The following APBB2 variants were observed in gnomAD, a reference collection of about 807,000 sequenced individuals.
APBB2 encodes the protein amyloid beta precursor protein binding family B member 2, also known as Fe65-like 1.
In APBB2, 38 loss-of-function variants were observed where a neutral mutation model predicts 82.5. The observed-to-expected ratio is 0.46, with a 90% CI of 0.36 to 0.60. The LOEUF is 0.60. APBB2 is among the 20% of genes least tolerant of loss of function. The pLI is 0.00. For missense variants in APBB2, 772 were observed against 972.3 expected, an observed-to-expected ratio of 0.79 and a Z score of 2.74; for synonymous variants, 341 against 368.2, an observed-to-expected ratio of 0.93 and a Z score of 0.85.
chr4:40,999,022 C>T (rs978432162), intron 6 of APBB2, among the ~76,000 whole-genome samples: 14 of 152,162 alleles, frequency 9.2e-5, no homozygotes, highest in African/African-American at 3.4e-4. Flanking sequence ...TTTCCAACCT[C>T]GGTGTATTGC....
intron 6 of APBB2, among the ~76,000 whole-genome samples, chr4:40,954,447 A>G (rs73152309): frequency 0.085 from 12,907 of 152,112 alleles, 591 homozygotes; most frequent in Middle Eastern, 0.14. Flanking sequence ...TGTGCCAGAC[A>G]CTGGTTTAAA....
At chr4:40,946,695 CTT>C (rs1213296822) in intron 6 of APBB2, among the ~76,000 whole-genome samples, 3 of 151,810 alleles carry the variant, frequency 2.0e-5, no homozygotes, top group Admixed American at 2.0e-4. Flanking sequence ...GGAAGAAAAA[CTT>C]TAAAAACTTG....
intron 6 of APBB2, among the ~76,000 whole-genome samples, chr4:41,000,930 G>A (rs1023646778): frequency 1.3e-5 from 2 of 152,144 alleles, no homozygotes; most frequent in Non-Finnish European, 2.9e-5. Context: ...TGAAATCCTG[G>A]AAGAGGCTGA....
intron 6 of APBB2, among the ~76,000 whole-genome samples, chr4:40,976,482 A>C (rs915512984): frequency 6.6e-6 from 1 of 152,184 alleles, no homozygotes; most frequent in East Asian, 1.9e-4. Flanking sequence ...AGGTATTCTA[A>C]ATCTTTTAGT....
In APBB2 at chr4:41,029,135, T is replaced by A. The variant is rs186853479; in HGVS notation, c.19+4101A>T. ...AAACTTCACATTTGCTTCATTTTTATTTTTCTGCTATACAATTTCATTTCC... is the reference window on the plus strand; with the variant it reads ...AAACTTCACATTTGCTTCATTTTTAATTTTCTGCTATACAATTTCATTTCC... On this transcript the variant is annotated intron_variant, in intron 5 of 17. Transcript: ENST00000508593. 2.7e-3 allele frequency among the ~76,000 whole-genome samples: 407 copies of A among 152,336 alleles called. 2 individuals carry two copies. Among genetic ancestry groups the A allele is most frequent in the Admixed American group, 5.2e-3 (79 of 15,296 alleles).
At chr4:41,099,213 C>T (rs940674547) in intron 3 of APBB2, among the ~76,000 whole-genome samples, 1 of 152,098 alleles carries the variant, frequency 6.6e-6, no homozygotes, top group East Asian at 1.9e-4. Flanking sequence ...TTGTGTGTTG[C>T]ACACACACGT....
At chr4:41,028,096 A>C (rs1715198159) in intron 5 of APBB2, among the ~76,000 whole-genome samples, 1 of 152,206 alleles carries the variant, frequency 6.6e-6, no homozygotes, top group Non-Finnish European at 1.5e-5. Flanking sequence ...AAGCCTCGCA[A>C]ATTTTCTAGG....
At chr4:41,046,050 G>A (rs954010525) in intron 4 of APBB2, among the ~76,000 whole-genome samples, 8 of 151,932 alleles carry the variant, frequency 5.3e-5, no homozygotes, top group African/African-American at 1.9e-4. Context: ...TATGAAGCTG[G>A]GTATATAGAT....
chr4:40,900,460 T>G (rs1774961985), intron 10 of APBB2, among the ~76,000 whole-genome samples: 1 of 150,304 alleles, frequency 6.7e-6, no homozygotes, highest in African/African-American at 2.4e-5. Flanking sequence ...GGAGGTTTTT[T>G]TTTTTTTTTT....
At chr4:40,919,872 G>T (rs569155080) in intron 10 of APBB2, among the ~76,000 whole-genome samples, 1 of 152,134 alleles carries the variant, frequency 6.6e-6, no homozygotes. Flanking sequence ...TGAGAGAAGC[G>T]AAGTCCAGAG....
chr4:41,022,132 A>G (rs1711812911), intron 5 of APBB2, among the ~76,000 whole-genome samples: 1 of 152,230 alleles, frequency 6.6e-6, no homozygotes, highest in African/African-American at 2.4e-5. Flanking sequence ...AATTCCGGAC[A>G]CAGAGGAACA....
chr4:41,036,982 T>C (rs1236653652), intron 4 of APBB2, among the ~76,000 whole-genome samples: 2 of 152,212 alleles, frequency 1.3e-5, no homozygotes, highest in African/African-American at 4.8e-5. Context: ...TTAAGAACAA[T>C]ATACAGCTGT....
chr4:40,839,178 A>C (rs184831642), intron 12 of APBB2, among the ~76,000 whole-genome samples: 123 of 152,136 alleles, frequency 8.1e-4, no homozygotes, highest in African/African-American at 2.7e-3. Flanking sequence ...CCTAGACTCA[A>C]GCGATCCTCC....
chr4:40,900,096 A>G (rs1052698546), intron 10 of APBB2, among the ~76,000 whole-genome samples: 1 of 152,228 alleles, frequency 6.6e-6, no homozygotes, highest in African/African-American at 2.4e-5. Flanking sequence ...TAGAAAACGA[A>G]AAGAGTTCAC....
intron 2 of APBB2, among the ~76,000 whole-genome samples, chr4:41,106,035 C>A (rs1451029822): frequency 6.6e-6 from 1 of 152,114 alleles, no homozygotes; most frequent in African/African-American, 2.4e-5. Context: ...ATACCTTACA[C>A]TGACTCTGAA....
At chr4:40,889,674 G>A (rs1771397827) in intron 12 of APBB2, among the ~76,000 whole-genome samples, 1 of 152,210 alleles carries the variant, frequency 6.6e-6, no homozygotes, top group African/African-American at 2.4e-5. Context: ...TGTGATAACT[G>A]CTATTTTATT....
intron 1 of APBB2, among the ~76,000 whole-genome samples, chr4:41,207,670 T>C (rs566679387): frequency 6.6e-6 from 1 of 152,252 alleles, no homozygotes; most frequent in South Asian, 2.1e-4. Context: ...ACTTTCAAAA[T>C]TAGCTCATTC....
chr4:40,841,349 T>A (rs1019964695), intron 12 of APBB2, among the ~76,000 whole-genome samples: 1 of 152,196 alleles, frequency 6.6e-6, no homozygotes, highest in Non-Finnish European at 1.5e-5. Context: ...AGGAGAATTA[T>A]CTCCAAATTC....
intron 1 of APBB2, among the ~76,000 whole-genome samples, chr4:41,185,125 T>G (rs1218175988): frequency 1.3e-5 from 2 of 152,068 alleles, no homozygotes; most frequent in East Asian, 3.8e-4. Context: ...TGAATGGAAA[T>G]ATATGGATGG....
Sources: allele counts gnomAD v4.1 joint callset (sites outside exome capture counted in the v4.1 genomes callset), GRCh38; gene constraint gnomAD v4.1.1; transcripts MANE v1.5; gene names NCBI Gene and HGNC (gene_info 2026-07-23, HGNC 2026-07-21).